Variants in PRKN observed in about 807,000 individuals in gnomAD.
The protein encoded by PRKN is E3 ubiquitin-protein ligase parkin.
PRKN carries 56 observed loss-of-function variants against 59.5 expected under a neutral mutation model. The observed-to-expected ratio is 0.94, with a 90% CI of 0.76 to 1.18. The LOEUF is 1.18. Ranked by LOEUF, PRKN falls within the 50% of genes most tolerant of loss-of-function variation. The pLI is 0.00. For missense variants in PRKN, 657 were observed against 596.4 expected (o/e 1.10, Z -1.06); for synonymous variants, 250 against 222.1 (o/e 1.13, Z -1.12).
At chr6:162,646,431 C>T (rs1778189362) in intron 1 of PRKN, among the ~76,000 whole-genome samples, 1 of 151,922 alleles carries the variant, frequency 6.6e-6, no homozygotes, top group African/African-American at 2.4e-5. Context: ...TGTCACCATG[C>T]TTGGCTAATT....
chr6:161,967,065 C>T (rs1396118623), intron 6 of PRKN, among the ~76,000 whole-genome samples: 2 of 152,114 alleles, frequency 1.3e-5, no homozygotes, highest in African/African-American at 4.8e-5. Flanking sequence ...CTCCTGACCT[C>T]GTGATCTGCC....
In PRKN at chr6:161,390,614, G is replaced by T. The variant is rs370404951; in HGVS notation, c.1084-3737C>A. Among the ~76,000 whole-genome samples, 12 of 152,168 alleles carry T rather than the reference G, an allele frequency of 7.9e-5. No homozygotes were observed. In the South Asian group the frequency reaches 2.1e-3, roughly 26 times the overall value. On this transcript the variant is annotated intron_variant, in intron 9 of 11. Coordinates refer to ENST00000366898, the MANE Select transcript of PRKN (RefSeq NM_004562.3). The surrounding 1 kb of genome is among the most constrained non-coding windows in gnomAD (Gnocchi z 7.0). ...AGCAATTCTCCCGTCTCAGCCTCCT[G>T]AGTAGCTGGGACTACAGGCGCCTGC...
rs1777880072 is a variant in PRKN at position 162,056,676 on chromosome 6, C to A, written c.535-2502G>T. ...GAATTTTGGAAGCGTCCACATCATT[C>A]CCTTACTGCTACGGGTGGTGTGCAG... On this transcript the variant is annotated intron_variant, in intron 4 of 11. Coordinates refer to ENST00000366898, the MANE Select transcript of PRKN (RefSeq NM_004562.3). This position sits in a 1 kb window ranked among gnomAD's most constrained non-coding sequence, Gnocchi z 4.9. Among the ~76,000 whole-genome samples the A allele has an allele frequency of 6.6e-6, 1 of 152,204 alleles. No homozygotes were observed. Among genetic ancestry groups the A allele is most frequent in the Non-Finnish European group, 1.5e-5 (1 of 68,034 alleles).
At chr6:162,226,063 T>TTAATAATAATAA (rs746613563) in intron 3 of PRKN, among the ~76,000 whole-genome samples, 6 of 141,234 alleles carry the variant, frequency 4.2e-5, no homozygotes, top group South Asian at 2.3e-4. Flanking sequence ...ATCAATAAGT[T>TTAATAATAATAA]TAATAATAAT....
chr6:162,406,233 A>G lies in PRKN; in HGVS notation c.171+37077T>C, dbSNP rs1788064926. On this transcript the variant is annotated intron_variant, in intron 2 of 11. Coordinates refer to ENST00000366898, the MANE Select transcript of PRKN (RefSeq NM_004562.3). ...TTATTCCAAATGGACAGATGTGGAC[A>G]CTAAAACAGAGAGGTAAATTTTGAC... is the stretch of plus-strand genomic sequence containing the variant. Among the ~76,000 whole-genome samples, 4 of 152,312 alleles carry G rather than the reference A, an allele frequency of 2.6e-5. No homozygotes were observed. The South Asian group carries it at 8.3e-4, about 32-fold the overall frequency.
At chr6:162,556,842 G>A (rs1779627086) in intron 1 of PRKN, among the ~76,000 whole-genome samples, 2 of 151,930 alleles carry the variant, frequency 1.3e-5, no homozygotes, top group African/African-American at 4.8e-5. Flanking sequence ...GGAACCTGAG[G>A]ACTCAAGCCA....
At chr6:162,617,423 G>C (rs1051175955) in intron 1 of PRKN, among the ~76,000 whole-genome samples, 1 of 152,100 alleles carries the variant, frequency 6.6e-6, no homozygotes, top group Non-Finnish European at 1.5e-5. Context: ...GTAGAGACAG[G>C]GTTTCACCAT....
At chr6:162,553,315 C>T (rs1240776712) in intron 1 of PRKN, among the ~76,000 whole-genome samples, 2 of 151,886 alleles carry the variant, frequency 1.3e-5, no homozygotes, top group African/African-American at 4.8e-5. Context: ...CTTGGTGTCA[C>T]CTTCTTAAAT....
Position 161,442,694 on chromosome 6 carries a change from C to T in PRKN, c.1084-55817G>A, listed in dbSNP as rs904805962. ...TTGGAATTTAGCTGTTCCTTCGGGG[C>T]CCCGCTTACACACCAACACCCATGA... On this transcript the variant is annotated intron_variant, in intron 9 of 11. Transcript: ENST00000366898. The surrounding 1 kb of genome is among the most constrained non-coding windows in gnomAD (Gnocchi z 4.6). 5.9e-5 allele frequency among the ~76,000 whole-genome samples: 9 copies of T among 152,220 alleles called. No individual in the cohort carries two copies. Among genetic ancestry groups the T allele is most frequent in the African/African-American group, 2.2e-4 (9 of 41,458 alleles).
rs1789272101 is a variant in PRKN at position 161,442,282 on chromosome 6, G to A, written c.1084-55405C>T. Among the ~76,000 whole-genome samples, 1 of 152,066 alleles carries A rather than the reference G, an allele frequency of 6.6e-6. No homozygotes were observed. The stretch of plus-strand genomic sequence containing the variant: ...AAAAGTCAGTACAGAGCCATTGAAG[G>A]GGCTTTCCACCTCCTACGATAAGTA... On this transcript the variant is annotated intron_variant, in intron 9 of 11. Transcript: ENST00000366898. The surrounding 1 kb of genome is among the most constrained non-coding windows in gnomAD (Gnocchi z 4.6).
At chr6:162,641,397 C>A (rs529124265) in intron 1 of PRKN, among the ~76,000 whole-genome samples, 2 of 151,626 alleles carry the variant, frequency 1.3e-5, no homozygotes, top group South Asian at 4.2e-4. Flanking sequence ...AGGCAAAAAT[C>A]AAAGTGTTGT....
At chr6:162,203,165 A>G (rs1419812654) in intron 3 of PRKN, among the ~76,000 whole-genome samples, 2 of 152,202 alleles carry the variant, frequency 1.3e-5, no homozygotes, top group Non-Finnish European at 2.9e-5. Context: ...TGTTTGCAAT[A>G]TTGTTTCAGC....
intron 6 of PRKN, among the ~76,000 whole-genome samples, chr6:161,820,562 CAAATA>C (rs1367429296): frequency 2.1e-5 from 3 of 145,216 alleles, no homozygotes; most frequent in Non-Finnish European, 3.0e-5. Flanking sequence ...TAAAAAATTA[CAAATA>C]AATATAAAAT....
chr6:161,901,747 G>A (rs1369032728), intron 6 of PRKN, among the ~76,000 whole-genome samples: 1 of 152,158 alleles, frequency 6.6e-6, no homozygotes, highest in African/African-American at 2.4e-5. Context: ...TAAATTCATC[G>A]TGGCTGCAGG....
At position 161,388,496 on chromosome 6, in the gene PRKN, G is replaced by C. The variant is rs1300011060; in HGVS notation, c.1084-1619C>G. Among the ~76,000 whole-genome samples the C allele has an allele frequency of 6.6e-6, 1 of 152,248 alleles. No homozygotes were observed. The highest frequency in any genetic ancestry group is 1.9e-4 in the East Asian group (1 of 5,192). On this transcript the variant is annotated intron_variant, in intron 9 of 11. Coordinates refer to ENST00000366898, the MANE Select transcript of PRKN (RefSeq NM_004562.3). The surrounding 1 kb of genome is among the most constrained non-coding windows in gnomAD (Gnocchi z 4.3). The stretch of plus-strand genomic sequence containing the variant: ...AGAGAAGGCATTTCAGCAGAGGAGA[G>C]AGTGCCATCCACAAGTATGGTGTGT...
chr6:162,494,516 C>T (rs1362245229), intron 1 of PRKN, among the ~76,000 whole-genome samples: 1 of 152,188 alleles, frequency 6.6e-6, no homozygotes, highest in African/African-American at 2.4e-5. Context: ...CAATGTGAGA[C>T]AACAGCCTTA....
Position 161,471,341 on chromosome 6 carries a change from C to T in PRKN, c.1083+77513G>A, listed in dbSNP as rs73589756. ...TATTTCACTTACAGATATACACCTA[C>T]GTAAGCAGCTTTATAATAAGAAAAT... is the stretch of plus-strand genomic sequence containing the variant. On this transcript the variant is annotated intron_variant, in intron 9 of 11. Transcript: ENST00000366898. The surrounding 1 kb of genome is among the most constrained non-coding windows in gnomAD (Gnocchi z 4.5). Among the ~76,000 whole-genome samples, 1,226 of 152,236 alleles carry T rather than the reference C, an allele frequency of 8.1e-3. 15 individuals are homozygous for T. Among genetic ancestry groups the T allele is most frequent in the African/African-American group, 0.029 (1,186 of 41,524 alleles).
chr6:161,372,547 C>G lies in PRKN; in HGVS notation c.1168-12342G>C, dbSNP rs972902592. The stretch of plus-strand genomic sequence containing the variant: ...GACCCTGGGGATACATCCCAGTAAA[C>G]AAGAGAGATGACAAATAGCAAGCCA... On this transcript the variant is annotated intron_variant, in intron 10 of 11. Transcript: ENST00000366898. The surrounding 1 kb of genome is among the most constrained non-coding windows in gnomAD (Gnocchi z 4.2). Among the ~76,000 whole-genome samples the G allele has an allele frequency of 1.3e-5, 2 of 152,178 alleles. No homozygotes were observed. The highest frequency in any genetic ancestry group is 2.9e-5 in the Non-Finnish European group (2 of 68,016).
chr6:162,284,915 T>C (rs147344186), intron 2 of PRKN, among the ~76,000 whole-genome samples: 189 of 152,276 alleles, frequency 1.2e-3, no homozygotes, highest in African/African-American at 4.4e-3. Flanking sequence ...TGTTTGGAGA[T>C]AGGGCCTTTA....
Sources: allele counts gnomAD v4.1 joint callset (sites outside exome capture counted in the v4.1 genomes callset), GRCh38; gene constraint gnomAD v4.1.1; non-coding constraint Gnocchi (gnomAD v3.1); transcripts MANE v1.5; gene names NCBI Gene and HGNC (gene_info 2026-07-23, HGNC 2026-07-21).